NAA35: variants seen among roughly 807,000 people sequenced by gnomAD.
The protein encoded by NAA35 is N-alpha-acetyltransferase 35, NatC auxiliary subunit.
NAA35 carries 18 observed loss-of-function variants against 101.7 expected under a neutral mutation model. That is an observed-to-expected ratio of 0.18 (90% CI 0.12 to 0.26). The LOEUF is 0.26. Among genes scored for constraint, NAA35 ranks in the 10% least tolerant of loss-of-function variants. NAA35 has a pLI of 1.00. For missense variants in NAA35, 601 were observed against 886.8 expected (o/e 0.68, Z 4.09); for synonymous variants, 267 against 273.1 (o/e 0.98, Z 0.22).
intron 1 of NAA35, 155 bp from the exon 2 acceptor site, chr9:85,942,000 G>T (rs746610357): frequency 7.7e-7 from 1 of 1,296,014 alleles, no homozygotes; most frequent in Non-Finnish European, 1.0e-6. Flanking sequence ...TTGCATTAAG[G>T]TTATTCTTTG....
intron 20 of NAA35, 105 bp from the exon 21 acceptor site, chr9:86,018,594 G>A: frequency 6.9e-7 from 1 of 1,454,650 alleles, no homozygotes; most frequent in Non-Finnish European, 9.3e-7. Context: ...CCCAGTGTCT[G>A]TGTATGAGTG....
At chr9:85,949,727 C>T (rs2118278729) in intron 2 of NAA35, among the ~76,000 whole-genome samples, 1 of 151,676 alleles carries the variant, frequency 6.6e-6, no homozygotes, top group Non-Finnish European at 1.5e-5. Flanking sequence ...TTCCTCATAT[C>T]AGATTTTTCC....
chr9:85,954,238 G>A (rs775153479), intron 2 of NAA35, among the ~76,000 whole-genome samples: 5 of 152,094 alleles, frequency 3.3e-5, no homozygotes, highest in Non-Finnish European at 7.4e-5. Context: ...GCACCACCAT[G>A]CCTGGCTAAT....
chr9:85,951,984 G>A (rs1368530702), intron 2 of NAA35, among the ~76,000 whole-genome samples: 2 of 152,092 alleles, frequency 1.3e-5, no homozygotes, highest in East Asian at 3.9e-4. Flanking sequence ...ATGTTAACAC[G>A]TTTCATTATA....
At chr9:85,995,705 C>T (rs990252957) in intron 11 of NAA35, among the ~76,000 whole-genome samples, 2 of 152,074 alleles carry the variant, frequency 1.3e-5, no homozygotes, top group Non-Finnish European at 1.5e-5. Flanking sequence ...AATTCTTATT[C>T]ATGTATCATT....
At chr9:85,948,043 C>T (rs1218810057) in intron 2 of NAA35, among the ~76,000 whole-genome samples, 3 of 152,150 alleles carry the variant, frequency 2.0e-5, no homozygotes, top group Admixed American at 1.3e-4. Flanking sequence ...GAAGACACTG[C>T]GTTCCTCCTT....
chr9:86,016,075 G>A (rs550591038), intron 17 of NAA35, among the ~76,000 whole-genome samples: 83 of 151,746 alleles, frequency 5.5e-4, no homozygotes, highest in Middle Eastern at 3.4e-3. Flanking sequence ...CAGTGTTAAA[G>A]TTCTGAAAAA....
intron 6 of NAA35, among the ~76,000 whole-genome samples, chr9:85,970,387 A>G (rs1413514855): frequency 6.6e-6 from 1 of 152,226 alleles, no homozygotes; most frequent in Non-Finnish European, 1.5e-5. Flanking sequence ...ACCACAGGAT[A>G]TATACCTAGT....
At chr9:86,017,674 T>A (rs965571366) in intron 19 of NAA35, 109 bp downstream of exon 19, 60 of 904,030 alleles carry the variant, frequency 6.6e-5, no homozygotes, top group Non-Finnish European at 9.8e-5. Context: ...TCACCTTTGT[T>A]TTACTTCCTG....
At chr9:85,991,000 C>T (rs1356386164) in intron 11 of NAA35, among the ~76,000 whole-genome samples, 1 of 152,160 alleles carries the variant, frequency 6.6e-6, no homozygotes, top group Non-Finnish European at 1.5e-5. Context: ...AATCGGTAGC[C>T]TAACTGGATT....
intron 1 of NAA35, 95 bp from the exon 2 acceptor site, chr9:85,942,058 TAA>T: frequency 6.7e-7 from 1 of 1,500,064 alleles, no homozygotes; most frequent in Non-Finnish European, 9.0e-7. Context: ...AGAGTTTAGT[TAA>T]GACTTCATCC....
At chr9:85,999,946 C>T (rs1393861766) in intron 12 of NAA35, among the ~76,000 whole-genome samples, 1 of 151,990 alleles carries the variant, frequency 6.6e-6, no homozygotes, top group Non-Finnish European at 1.5e-5. Context: ...CATATAAACC[C>T]ATATCTTTTC....
chr9:85,984,775 A>G (rs1830579935), intron 11 of NAA35, among the ~76,000 whole-genome samples: 1 of 152,232 alleles, frequency 6.6e-6, no homozygotes, highest in Non-Finnish European at 1.5e-5. Flanking sequence ...TGAGGAAAGA[A>G]AAGTCTTTTC....
intron 13 of NAA35, among the ~76,000 whole-genome samples, chr9:86,004,434 C>T (rs946361272): frequency 1.8e-3 from 11 of 6,180 alleles, no homozygotes; most frequent in African/African-American, 9.9e-3. Flanking sequence ...AGCTGTGATC[C>T]CACCAACTGC....
At chr9:86,000,688 A>C (rs760602175) in intron 12 of NAA35, among the ~76,000 whole-genome samples, 1 of 152,064 alleles carries the variant, frequency 6.6e-6, no homozygotes, top group Non-Finnish European at 1.5e-5. Flanking sequence ...GTATGTGTAG[A>C]GATGTTCATA....
intron 1 of NAA35, chr9:85,941,761 G>C (rs568925179): frequency 1.0e-6 from 1 of 990,306 alleles, no homozygotes; most frequent in African/African-American, 1.7e-5. Context: ...GATTGACTTC[G>C]GTAGCTGCCG....
rs1401301479 is a variant in NAA35 at position 85,989,232 on chromosome 9, G to A, written c.878-7167G>A. On this transcript the variant is annotated intron_variant, in intron 11 of 22. Transcript: ENST00000361671. ...TCACGCCTGTAATCCCAGCACTTTG[G>A]GAGGCCAAGGTGGGCGGATCATGAG... Among the ~76,000 whole-genome samples the A allele has an allele frequency of 2.6e-5, 4 of 152,116 alleles. No individual in the cohort carries two copies. The East Asian group carries it at 7.7e-4, about 29-fold the overall frequency.
chr9:86,023,379 C>T lies in NAA35; in HGVS notation c.*1419C>T, dbSNP rs948342967. Among the ~76,000 whole-genome samples the T allele has an allele frequency of 6.6e-6, 1 of 151,152 alleles. No individual in the cohort carries two copies. ...GCTGGTAATTACTGAATGCTTTAAA[C>T]AAAAAAAGGCAAAGGAATGGTAGGA... On this transcript the variant is annotated 3_prime_UTR_variant, in exon 23 of 23. Coordinates refer to ENST00000361671, the MANE Select transcript of NAA35 (RefSeq NM_024635.4).
chr9:85,990,128 G>C (rs1165870468), intron 11 of NAA35, among the ~76,000 whole-genome samples: 1 of 152,208 alleles, frequency 6.6e-6, no homozygotes, highest in African/African-American at 2.4e-5. Context: ...CATGCACTGG[G>C]TCAAAACATG....
Sources: gnomAD v4.1 joint callset for allele counts (sites outside exome capture counted in the v4.1 genomes callset) on GRCh38, gnomAD v4.1.1 for gene constraint, MANE v1.5 for transcripts, NCBI Gene and HGNC (gene_info 2026-07-23, HGNC 2026-07-21) for gene names.